Variants in PGD observed in about 807,000 individuals in gnomAD.
PGD encodes phosphogluconate dehydrogenase.
PGD carries 21 observed loss-of-function variants against 60.4 expected under a neutral mutation model. That is an observed-to-expected ratio of 0.35 (90% CI 0.25 to 0.50). The LOEUF (loss-of-function observed/expected upper bound fraction) is 0.50, where lower values mean the gene tolerates loss of function less well. Among genes scored for constraint, PGD ranks in the 20% least tolerant of loss-of-function variants. The pLI, the probability that PGD is intolerant of heterozygous loss-of-function variation, is 0.98. For missense variants in PGD, 477 were observed against 613.1 expected (o/e 0.78, Z 2.34); for synonymous variants, 230 against 235.9 (o/e 0.97, Z 0.23).
chr1:10,419,349 A>G (rs1307461), intron 11 of PGD, 68 bp from the exon 12 acceptor site: 3 of 1,558,568 alleles, frequency 1.9e-6, no homozygotes, highest in Non-Finnish European at 2.6e-6. Context: ...CCACATTGAT[A>G]TGAATGAAAA....
At chr1:10,407,153 C>T (rs536467630) in intron 5 of PGD, among the ~76,000 whole-genome samples, 66 of 152,170 alleles carry the variant, frequency 4.3e-4, no homozygotes, top group African/African-American at 1.5e-3. Flanking sequence ...CTCTGCACCA[C>T]CAACAAAAAA....
intron 9 of PGD, 75 bp from the exon 10 acceptor site, chr1:10,417,301 G>GAGAAT (rs998793993): frequency 2.0e-6 from 3 of 1,500,700 alleles, no homozygotes; most frequent in Non-Finnish European, 2.7e-6. Context: ...CACTGCTGAT[G>GAGAAT]AGAATAAGAC....
chr1:10,418,363 G>T (rs749943413), intron 10 of PGD, among the ~76,000 whole-genome samples: 6 of 152,206 alleles, frequency 3.9e-5, no homozygotes, highest in Non-Finnish European at 7.3e-5. Flanking sequence ...AGCGCTGGCA[G>T]CGAGCTGCAC....
chr1:10,419,118 C>T (rs550871474), intron 11 of PGD, among the ~76,000 whole-genome samples, 193 bp downstream of exon 11: 2 of 151,758 alleles, frequency 1.3e-5, no homozygotes, highest in Non-Finnish European at 2.9e-5. Context: ...AAGCGATTCT[C>T]CTGCCCCAGC....
At chr1:10,409,100 A>C (rs1006551988) in intron 6 of PGD, among the ~76,000 whole-genome samples, 2 of 152,230 alleles carry the variant, frequency 1.3e-5, no homozygotes. Context: ...GTTGGATTAC[A>C]TGATCTCCAA....
chr1:10,400,569 A>T lies in PGD; in HGVS notation c.261A>T (p.Lys87Asn), dbSNP rs142871528. The T allele has an allele frequency of 8.1e-6, 13 of 1,613,144 alleles. No individual in the cohort carries two copies. The Admixed American group carries it at 2.2e-4, about 27-fold the overall frequency. ...AGQAVDDFIE[K>N]LVPLLDTGDI... ...AAGCTGTGGATGATTTCATCGAGAA[A>T]TTGGTGAGGCCAGCTGTGCTCTCAG... Residue 87 changes from lysine (K) to asparagine (N), a missense_variant, in exon 3 of 13, where the codon AAA (lysine) becomes AAT (asparagine). Around this residue, in one of 3 missense-constraint regions of PGD, gnomAD observed 431 missense variants for 556.6 expected, o/e 0.77. Coordinates refer to ENST00000270776, the MANE Select transcript of PGD (RefSeq NM_002631.4).
chr1:10,402,262 G>T (rs1337590219), intron 3 of PGD, among the ~76,000 whole-genome samples: 1 of 152,040 alleles, frequency 6.6e-6, no homozygotes, highest in Non-Finnish European at 1.5e-5. Flanking sequence ...TAGAAATGGG[G>T]TCTTGCTATG....
intron 1 of PGD, 155 bp from the exon 2 acceptor site, chr1:10,399,474 C>G (rs902008818): frequency 2.3e-5 from 16 of 684,668 alleles, no homozygotes; most frequent in Admixed American, 1.0e-4. Context: ...GGCCGAGGCT[C>G]TGCAGCGTGC....
chr1:10,411,591 G>A (rs1303176956), intron 7 of PGD, 39 bp downstream of exon 7: 2 of 1,612,380 alleles, frequency 1.2e-6, no homozygotes, highest in Non-Finnish European at 8.5e-7. Flanking sequence ...GTTCTGCAGG[G>A]AGTGCTCACT....
chr1:10,408,259 G>A (rs770225937), intron 6 of PGD, 119 bp downstream of exon 6: 64 of 703,692 alleles, frequency 9.1e-5, no homozygotes, highest in Non-Finnish European at 1.3e-4. Context: ...TAAACGTCTC[G>A]ATCTTTGATT....
intron 1 of PGD, 33 bp downstream of exon 1, chr1:10,399,158 C>T (rs1271655072): frequency 6.2e-7 from 1 of 1,606,474 alleles, no homozygotes; most frequent in Non-Finnish European, 8.5e-7. Flanking sequence ...CCCGGCTCGG[C>T]CTCAGCGGGC....
At chr1:10,399,812 G>T (rs1557757989) in intron 2 of PGD, 108 bp downstream of exon 2, 13 of 933,816 alleles carry the variant, frequency 1.4e-5, no homozygotes, top group Non-Finnish European at 2.2e-5. Context: ...TTGCTAATGT[G>T]CTCTGTTGCT....
chr1:10,401,484 G>A (rs1435426833), intron 3 of PGD, among the ~76,000 whole-genome samples: 2 of 152,208 alleles, frequency 1.3e-5, no homozygotes, highest in African/African-American at 2.4e-5. Context: ...CGTGTCAACA[G>A]TGGGGTTGTT....
intron 7 of PGD, among the ~76,000 whole-genome samples, chr1:10,412,241 G>A (rs1269032553): frequency 6.6e-6 from 1 of 152,138 alleles, no homozygotes; most frequent in South Asian, 2.1e-4. Context: ...TCATTCACCC[G>A]CCATTTTTTG....
chr1:10,399,910 G>A (rs1639287125), intron 2 of PGD: 14 of 598,784 alleles, frequency 2.3e-5, no homozygotes, highest in Non-Finnish European at 3.9e-5. Context: ...GTGTGCCTGT[G>A]GGTCCGTGAG....
rs114643753 is a variant in PGD, at chr1:10,401,003, G to A, written c.264+431G>A. ...GCTACAAGCTTATGGTCCCAGGTTCGAGACCAGCCTGGCCAACATGGTGAA... is the reference window on the plus strand; with the variant it reads ...GCTACAAGCTTATGGTCCCAGGTTCAAGACCAGCCTGGCCAACATGGTGAA... On this transcript the variant is annotated intron_variant, in intron 3 of 12. Transcript: ENST00000270776. Among the ~76,000 whole-genome samples the A allele has an allele frequency of 3.6e-3, 554 of 152,216 alleles. 4 individuals carry two copies. Among genetic ancestry groups the A allele is most frequent in the African/African-American group, 0.013 (530 of 41,520 alleles).
rs1639498809 is a variant in PGD at position 10,411,499 on chromosome 1, G to A, written c.601G>A (p.Ala201Thr). Reference protein sequence around the residue: ...EYGDMQLICEAYHLMKDVLGM... With the variant: ...EYGDMQLICETYHLMKDVLGM... ...TGGGGACATGCAGCTGATCTGTGAG[G>A]CATACCACCTGATGAAAGACGTGCT... Residue 201 changes from alanine (A) to threonine (T), a missense_variant, in exon 7 of 13, where the codon GCA becomes ACA. Ala to Thr is a moderately conservative substitution (Grantham distance 58, BLOSUM62 0). This residue lies in a region of PGD where 431 missense variants were observed against 556.6 expected (regional missense o/e 0.77). Transcript: ENST00000270776. 2.5e-6 allele frequency: 4 copies of A among 1,614,096 alleles called. No individual in the cohort carries two copies. The highest frequency in any genetic ancestry group is 3.4e-6 in the Non-Finnish European group (4 of 1,179,984).
At position 10,400,389 on chromosome 1, in the gene PGD, C is replaced by T. The variant is rs779783413; in HGVS notation, c.85-4C>T. ...TCTCCTACTCAGGACTTTTGTCCTT[C>T]TAGGTCTGTGCTTTTAATAGGACTG... On this transcript the variant is annotated splice_region_variant and splice_polypyrimidine_tract_variant and intron_variant, in intron 2 of 12. Coordinates refer to ENST00000270776, the MANE Select transcript of PGD (RefSeq NM_002631.4). 2.5e-6 allele frequency: 4 copies of T among 1,610,082 alleles called. No individual in the cohort carries two copies. Among genetic ancestry groups the T allele is most frequent in the Non-Finnish European group, 3.4e-6 (4 of 1,177,182 alleles).
chr1:10,404,637 C>T (rs1290228295), intron 5 of PGD, among the ~76,000 whole-genome samples: 5 of 151,864 alleles, frequency 3.3e-5, no homozygotes, highest in Non-Finnish European at 7.4e-5. Flanking sequence ...GTAGCTGGGA[C>T]TACAGGCACA....
Sources: gnomAD v4.1 joint callset for allele counts (sites outside exome capture counted in the v4.1 genomes callset) on GRCh38, gnomAD v4.1.1 for gene constraint, gnomAD v4.1.1 regional missense constraint, MANE v1.5 for transcripts, NCBI Gene and HGNC (gene_info 2026-07-23, HGNC 2026-07-21) for gene names.